The following VSTM4 variants were observed in gnomAD, a reference collection of about 807,000 sequenced individuals.
The protein encoded by VSTM4 is V-set and transmembrane domain-containing protein 4.
A neutral mutation model predicts 36.4 loss-of-function variants in VSTM4; 20 were observed. The ratio of observed to expected loss-of-function variants is 0.55; its 90% CI spans 0.39 to 0.80. The LOEUF is 0.80. VSTM4 is among the 30% of genes least tolerant of loss of function. The pLI is 0.00. For missense variants in VSTM4, 392 were observed against 404.5 expected (o/e 0.97, Z 0.26); for synonymous variants, 182 against 173.9 (o/e 1.05, Z -0.37).
chr10:49,041,424 T>C (rs1487353453), intron 7 of VSTM4, among the ~76,000 whole-genome samples: 1 of 152,208 alleles, frequency 6.6e-6, no homozygotes, highest in Non-Finnish European at 1.5e-5. Flanking sequence ...AGAATCCTTC[T>C]GAAATGCATA....
chr10:49,028,383 T>TA (rs1843294969), intron 7 of VSTM4, among the ~76,000 whole-genome samples: 1 of 152,196 alleles, frequency 6.6e-6, no homozygotes, highest in African/African-American at 2.4e-5. Context: ...TGAGGTACTA[T>TA]AACAGCAGGT....
intron 2 of VSTM4, among the ~76,000 whole-genome samples, chr10:49,089,791 A>T (rs1303831376): frequency 6.6e-6 from 1 of 152,224 alleles, no homozygotes; most frequent in Non-Finnish European, 1.5e-5. Flanking sequence ...ATCTTGTTGC[A>T]GCTGCTAATC....
chr10:49,088,976 G>A lies in VSTM4; in HGVS notation c.458-2953C>T, dbSNP rs192316525. On this transcript the variant is annotated intron_variant, in intron 2 of 7. Transcript: ENST00000332853. ...AATGCAGAATGGCAGGCCCCATGCC[G>A]GATCTACTGAATCAGAATCTGCTTT... Among the ~76,000 whole-genome samples the A allele has an allele frequency of 4.3e-3, 653 of 152,318 alleles. 1 individual carries two copies. Among genetic ancestry groups the A allele is most frequent in the Non-Finnish European group, 6.8e-3 (460 of 68,028 alleles).
At chr10:49,103,326 G>A (rs974142696) in intron 2 of VSTM4, 2 of 176,772 alleles carry the variant, frequency 1.1e-5, no homozygotes, top group Non-Finnish European at 2.2e-5. Flanking sequence ...TATCAGAAAA[G>A]CGAGTCACAG....
intron 4 of VSTM4, among the ~76,000 whole-genome samples, chr10:49,073,464 C>T (rs1016846122): frequency 6.6e-6 from 1 of 152,206 alleles, no homozygotes; most frequent in Non-Finnish European, 1.5e-5. Flanking sequence ...ACCACTTACA[C>T]CCCAGACAGA....
intron 7 of VSTM4, among the ~76,000 whole-genome samples, chr10:49,022,682 T>G (rs1482354822): frequency 6.6e-6 from 1 of 152,124 alleles, no homozygotes; most frequent in Non-Finnish European, 1.5e-5. Context: ...CGCTTTTCAG[T>G]TTAATTACAT....
intron 7 of VSTM4, among the ~76,000 whole-genome samples, chr10:49,026,704 G>A (rs1170391167): frequency 6.6e-6 from 1 of 152,144 alleles, no homozygotes; most frequent in East Asian, 1.9e-4. Flanking sequence ...CAGGATGTGG[G>A]TGTTGACAGG....
At chr10:49,073,070 G>T (rs1463916854) in intron 4 of VSTM4, among the ~76,000 whole-genome samples, 3 of 152,112 alleles carry the variant, frequency 2.0e-5, no homozygotes, top group Non-Finnish European at 2.9e-5. Flanking sequence ...TTAAAACAAG[G>T]CCATATTTAT....
intron 2 of VSTM4, among the ~76,000 whole-genome samples, chr10:49,101,258 G>A (rs1393228681): frequency 1.3e-5 from 2 of 152,072 alleles, no homozygotes; most frequent in African/African-American, 2.4e-5. Context: ...ATCCAGAAAT[G>A]TGAAATATCT....
chr10:49,088,562 T>C (rs1844414886), intron 2 of VSTM4, among the ~76,000 whole-genome samples: 3 of 152,226 alleles, frequency 2.0e-5, no homozygotes, highest in Non-Finnish European at 2.9e-5. Context: ...TGGGTGGCCA[T>C]GTTGGAAAAC....
At position 49,016,099 on chromosome 10, in the gene VSTM4, C is replaced by G. The variant is rs1294092341; in HGVS notation, c.*3551G>C. ...ACTGGGTGTGACCTAATTGGGCACC[C>G]TGGGTACTGATATCAGTATTTTGTT... is the stretch of plus-strand genomic sequence containing the variant. On this transcript the variant is annotated 3_prime_UTR_variant, in exon 8 of 8. Coordinates refer to ENST00000332853, the MANE Select transcript of VSTM4 (RefSeq NM_001031746.5). The G allele has an allele frequency of 6.8e-6, 1 of 147,120 alleles. No individual in the cohort carries two copies. The highest frequency in any genetic ancestry group is 1.5e-5 in the Non-Finnish European group (1 of 66,580). 9.1% of individuals were successfully genotyped at this position (147,120 alleles called of 1,614,324 possible). A position where few individuals can be genotyped will look rare whatever the true frequency, so the allele number is the denominator to read the frequency against.
chr10:49,081,531 C>T (rs1844278561), intron 3 of VSTM4, among the ~76,000 whole-genome samples: 1 of 152,234 alleles, frequency 6.6e-6, no homozygotes, highest in African/African-American at 2.4e-5. Context: ...CCCCAAGTGT[C>T]CCTAGCAGCA....
At chr10:49,026,211 G>A (rs1200124173) in intron 7 of VSTM4, among the ~76,000 whole-genome samples, 7 of 152,182 alleles carry the variant, frequency 4.6e-5, no homozygotes, top group Admixed American at 2.6e-4. Context: ...ACAGACCGAG[G>A]AGCCTAGTGT....
intron 5 of VSTM4, among the ~76,000 whole-genome samples, chr10:49,053,539 A>G (rs1843730635): frequency 6.6e-6 from 1 of 152,206 alleles, no homozygotes; most frequent in Non-Finnish European, 1.5e-5. Flanking sequence ...TCTCTCTTGC[A>G]AAGTTATGAG....
chr10:49,036,564 T>G (rs1049767907), intron 7 of VSTM4, among the ~76,000 whole-genome samples: 8 of 152,236 alleles, frequency 5.3e-5, no homozygotes, highest in African/African-American at 1.7e-4. Context: ...TCAAGAAACC[T>G]GAAATGCATG....
chr10:49,089,489 C>G (rs1844433068), intron 2 of VSTM4, among the ~76,000 whole-genome samples: 1 of 152,170 alleles, frequency 6.6e-6, no homozygotes, highest in South Asian at 2.1e-4. Context: ...AATCCAATTA[C>G]AGTTCCCTTT....
intron 7 of VSTM4, among the ~76,000 whole-genome samples, chr10:49,039,463 T>C (rs1843485530): frequency 6.6e-6 from 1 of 152,148 alleles, no homozygotes; most frequent in Non-Finnish European, 1.5e-5. Context: ...GAAGACAGGA[T>C]GCAAGCGCTT....
chr10:49,065,245 A>G (rs1004645931), intron 4 of VSTM4, among the ~76,000 whole-genome samples: 1 of 152,218 alleles, frequency 6.6e-6, no homozygotes, highest in African/African-American at 2.4e-5. Flanking sequence ...GCTGCAGAGG[A>G]AAAGTAAGAA....
At position 49,082,690 on chromosome 10, in the gene VSTM4, G is replaced by GA. The variant is rs796460458; in HGVS notation, c.526+3264dup. Among the ~76,000 whole-genome samples the GA allele has an allele frequency of 4.4e-3, 656 of 150,382 alleles. 4 individuals are homozygous for GA. The highest frequency in any genetic ancestry group is 0.015 in the African/African-American group (602 of 41,010). ...AACTCCATCAAAAACAAAAGGAAAA[G>GA]AAAAAAAAACACATATAGCTGCACA... On this transcript the variant is annotated intron_variant, in intron 3 of 7. Coordinates refer to ENST00000332853, the MANE Select transcript of VSTM4 (RefSeq NM_001031746.5).
Sources: gnomAD v4.1 joint callset for allele counts (sites outside exome capture counted in the v4.1 genomes callset) on GRCh38, gnomAD v4.1.1 for gene constraint, MANE v1.5 for transcripts, NCBI Gene and HGNC (gene_info 2026-07-23, HGNC 2026-07-21) for gene names.